The following PRKX variants were observed in gnomAD, a reference collection of about 807,000 sequenced individuals.
The protein encoded by PRKX is protein kinase cAMP-dependent X-linked catalytic subunit, also known as cAMP-dependent protein kinase catalytic subunit PRKX.
Under a neutral mutation model 22.0 loss-of-function variants are expected in PRKX, and 12 were observed. That is an observed-to-expected ratio of 0.54 (90% CI 0.35 to 0.88). The LOEUF (loss-of-function observed/expected upper bound fraction) is 0.88, where lower values mean the gene tolerates loss of function less well. Ranked by LOEUF, PRKX falls within the 40% of genes least tolerant of loss-of-function variation. The pLI, the probability that PRKX is intolerant of heterozygous loss-of-function variation, is 0.01. For missense variants in PRKX, 217 were observed against 308.0 expected (o/e 0.70, Z 2.21); for synonymous variants, 134 against 137.7 (o/e 0.97, Z 0.19).
intron 3 of PRKX, among the ~76,000 whole-genome samples, chrX:3,648,685 A>G (rs113602197): frequency 3.5e-4 from 36 of 103,055 alleles, no homozygotes; most frequent in African/African-American, 1.2e-3. Flanking sequence ...ATTTTGAAAG[A>G]CTAGGTTCAA....
chrX:3,618,260 G>C (rs1484002692), intron 6 of PRKX, among the ~76,000 whole-genome samples: 1 of 110,607 alleles, frequency 9.0e-6, no homozygotes, highest in Non-Finnish European at 1.9e-5. Context: ...GGAGGAACAA[G>C]TTCAGTCAGT....
At chrX:3,680,335 G>A (rs1468588701) in intron 1 of PRKX, among the ~76,000 whole-genome samples, 2 of 110,637 alleles carry the variant, frequency 1.8e-5, no homozygotes, top group South Asian at 7.8e-4. Flanking sequence ...GTAGTGACAG[G>A]GTTTCACCAT....
At chrX:3,703,347 G>C (rs751788116) in intron 1 of PRKX, among the ~76,000 whole-genome samples, 1 of 111,950 alleles carries the variant, frequency 8.9e-6, no homozygotes, top group East Asian at 2.8e-4. Flanking sequence ...TCATCTGACA[G>C]AAGACATGAA....
At chrX:3,669,871 G>A (rs1424038290) in intron 2 of PRKX, among the ~76,000 whole-genome samples, 2 of 111,413 alleles carry the variant, frequency 1.8e-5, no homozygotes, top group African/African-American at 3.3e-5. Context: ...CTCTCTGTCC[G>A]TCGTCTGTCT....
intron 4 of PRKX, among the ~76,000 whole-genome samples, chrX:3,635,886 C>T (rs1434538760): frequency 8.9e-6 from 1 of 111,897 alleles, no homozygotes; most frequent in Non-Finnish European, 1.9e-5. Context: ...CCACCACGTC[C>T]AGCCTTTACC....
In PRKX at chrX:3,659,723, TTTTTTG is replaced by T. The variant is rs1357977002; in HGVS notation, c.336-4317_336-4312del. On this transcript the variant is annotated intron_variant, in intron 2 of 8. Coordinates refer to ENST00000262848, the MANE Select transcript of PRKX (RefSeq NM_005044.5). ...TTGGAGTGGTGTTTTTTTTGTTTTT[TTTTTTG>T]TTTTTTTTTTTTTTGAGACAGTCTT... is the stretch of plus-strand genomic sequence containing the variant. Among the ~76,000 whole-genome samples the T allele has an allele frequency of 1.3e-4, 11 of 85,775 alleles. No homozygotes were observed. In the East Asian group the frequency reaches 3.5e-3, roughly 27 times the overall value. 74.5% of individuals were successfully genotyped at this position (85,775 alleles called of 115,157 possible). A position where few individuals can be genotyped will look rare whatever the true frequency, so the allele number is the denominator to read the frequency against.
At chrX:3,622,274 G>A (rs955232035) in intron 5 of PRKX, among the ~76,000 whole-genome samples, 1 of 111,435 alleles carries the variant, frequency 9.0e-6, no homozygotes, top group African/African-American at 3.3e-5. Flanking sequence ...GCATATTTAT[G>A]GAAGTAGAAA....
At chrX:3,621,498 C>G (rs1926557124) in intron 5 of PRKX, among the ~76,000 whole-genome samples, 182 bp from the exon 6 acceptor site, 1 of 112,227 alleles carries the variant, frequency 8.9e-6, no homozygotes, top group South Asian at 3.7e-4. Context: ...ATCACCTATG[C>G]AAGGCTGGGT....
rs184189354 is a variant in PRKX, at chrX:3,643,342, C to T, written c.600-1371G>A. On this transcript the variant is annotated intron_variant, in intron 3 of 8. Transcript: ENST00000262848. The stretch of plus-strand genomic sequence containing the variant: ...CTTGCTAATTGCACTCTGCAAACGG[C>T]GAGCGGCTGAACCTGCATTTTGGTT... 4.5e-5 allele frequency among the ~76,000 whole-genome samples: 5 copies of T among 111,623 alleles called. No individual in the cohort carries two copies. The East Asian group carries it at 1.4e-3, about 31-fold the overall frequency.
chrX:3,621,964 C>T (rs1409851487), intron 5 of PRKX, among the ~76,000 whole-genome samples: 1 of 109,984 alleles, frequency 9.1e-6, no homozygotes, highest in African/African-American at 3.3e-5. Flanking sequence ...CATGGTGAAA[C>T]CCCATCTCTA....
chrX:3,631,943 A>G (rs907199086), intron 4 of PRKX, among the ~76,000 whole-genome samples: 2 of 112,596 alleles, frequency 1.8e-5, no homozygotes, highest in Non-Finnish European at 3.7e-5. Context: ...CAGCAGCGTC[A>G]GGACATTCAT....
intron 1 of PRKX, among the ~76,000 whole-genome samples, chrX:3,708,403 G>A (rs979560037): frequency 3.6e-5 from 4 of 111,396 alleles, no homozygotes; most frequent in Non-Finnish European, 7.5e-5. Flanking sequence ...CAGCAACAAG[G>A]AGAGGAAAGG....
At chrX:3,620,475 T>C (rs1247782055) in intron 6 of PRKX, among the ~76,000 whole-genome samples, 3 of 112,245 alleles carry the variant, frequency 2.7e-5, no homozygotes, top group African/African-American at 9.7e-5. Flanking sequence ...CCACGGCCTA[T>C]GAGGAACCAA....
chrX:3,690,347 C>G (rs926120775), intron 1 of PRKX, among the ~76,000 whole-genome samples: 2 of 112,166 alleles, frequency 1.8e-5, no homozygotes, highest in Non-Finnish European at 3.8e-5. Flanking sequence ...AAACAACATT[C>G]CATTTTTACA....
At chrX:3,677,139 T>C (rs1352982965) in intron 1 of PRKX, among the ~76,000 whole-genome samples, 1 of 110,717 alleles carries the variant, frequency 9.0e-6, no homozygotes, top group East Asian at 2.8e-4. Flanking sequence ...GGGAAATATA[T>C]TGGTCAAAGG....
intron 1 of PRKX, among the ~76,000 whole-genome samples, chrX:3,696,415 A>G (rs1928443658): frequency 1.8e-5 from 2 of 112,049 alleles, no homozygotes; most frequent in Admixed American, 9.5e-5. Flanking sequence ...CGAACATCAC[A>G]GCTTAGCCCA....
Position 3,605,267 on chromosome X carries a change from G to A in PRKX, c.*3702C>T, listed in dbSNP as rs1386984864. 5 of 111,887 alleles carry A rather than the reference G, an allele frequency of 4.5e-5. No individual in the cohort carries two copies. Among genetic ancestry groups the A allele is most frequent in the African/African-American group, 9.8e-5 (3 of 30,689 alleles). The allele number at this position is 111,887 out of a possible 1,213,427, so 9.2% of individuals were successfully genotyped here. On this transcript the variant is annotated 3_prime_UTR_variant, in exon 9 of 9. Transcript: ENST00000262848. ...TGAAGGAAAAACGAGAGGAACCCGG[G>A]CACCCCATTTCAAATCTCTACAACT...
chrX:3,664,919 T>C (rs1298052851), intron 2 of PRKX, among the ~76,000 whole-genome samples: 3 of 112,287 alleles, frequency 2.7e-5, no homozygotes, highest in African/African-American at 9.7e-5. Context: ...CATAACATGA[T>C]ACATCCATGT....
chrX:3,615,036 T>TTTTG (rs1926388876), intron 7 of PRKX, among the ~76,000 whole-genome samples: 1 of 98,673 alleles, frequency 1.0e-5, no homozygotes, highest in Non-Finnish European at 2.0e-5. Flanking sequence ...TTTTTTTTTT[T>TTTTG]GAGACAGGGT....
Sources: allele counts gnomAD v4.1 joint callset (sites outside exome capture counted in the v4.1 genomes callset), GRCh38; gene constraint gnomAD v4.1.1; transcripts MANE v1.5; gene names NCBI Gene and HGNC (gene_info 2026-07-23, HGNC 2026-07-21).